JAK1: variants seen among roughly 807,000 people sequenced by gnomAD.
JAK1 encodes tyrosine-protein kinase JAK1.
JAK1 carries 16 observed loss-of-function variants against 136.6 expected under a neutral mutation model. That is an observed-to-expected ratio of 0.12 (90% CI 0.08 to 0.18). JAK1 has a LOEUF of 0.18. Ranked by LOEUF, JAK1 falls within the 10% of genes least tolerant of loss-of-function variation. The pLI is 1.00. For synonymous variants in JAK1, 492 were observed against 519.5 expected, an observed-to-expected ratio of 0.95 and a Z score of 0.72; for missense variants, 859 against 1,450.1, an observed-to-expected ratio of 0.59 and a Z score of 6.62.
At chr1:64,962,418 C>T (rs1027611990) in intron 1 of JAK1, among the ~76,000 whole-genome samples, 2 of 152,148 alleles carry the variant, frequency 1.3e-5, no homozygotes, top group East Asian at 1.9e-4. Flanking sequence ...GCAGTTTATC[C>T]GCAGAGCACC....
intron 1 of JAK1, among the ~76,000 whole-genome samples, chr1:64,909,994 A>G (rs1645255276): frequency 6.6e-6 from 1 of 152,208 alleles, no homozygotes; most frequent in Non-Finnish European, 1.5e-5. Flanking sequence ...GTGGGATGGT[A>G]GACCAGAGTA....
At chr1:64,891,081 T>C (rs1311597237) in intron 1 of JAK1, among the ~76,000 whole-genome samples, 3 of 152,134 alleles carry the variant, frequency 2.0e-5, no homozygotes, top group Non-Finnish European at 4.4e-5. Flanking sequence ...TAAGCACTCA[T>C]ATTTTGACCA....
rs754720992 is a variant in JAK1, at chr1:64,844,097, G to A, written c.2370C>T (p.Gly790=). The A allele has an allele frequency of 1.9e-5, 30 of 1,614,006 alleles. No individual in the cohort carries two copies. Among genetic ancestry groups the A allele is most frequent in the African/African-American group, 1.2e-4 (9 of 74,908 alleles). ...GTTLWEICYN[G]EIPLKDKTLI... is the part of the protein sequence containing the mutation. ...GCGTCTTGTCTTTCAAGGGGATCTC[G>A]CCATTGTAGCAGATTTCCCAGAGCG... The change falls in exon 17 of 25, where the codon GGC becomes GGT. Residue 790 remains glycine, a synonymous_variant. Transcript: ENST00000342505. This position sits in a 1 kb window ranked among gnomAD's most constrained non-coding sequence, Gnocchi z 5.7.
At chr1:64,996,518 C>T (rs530056529) in intron 2 of JAK1, among the ~76,000 whole-genome samples, 1 of 152,294 alleles carries the variant, frequency 6.6e-6, no homozygotes, top group East Asian at 1.9e-4. Flanking sequence ...TGGACTTTTC[C>T]TTCCACATTT....
At chr1:64,851,027 A>G (rs1006341043) in intron 11 of JAK1, 117 bp from the exon 12 acceptor site, 8 of 700,588 alleles carry the variant, frequency 1.1e-5, no homozygotes, top group Middle Eastern at 2.6e-4. Context: ...TGCTTCAGTC[A>G]TTCGACAAGT....
Position 64,833,947 on chromosome 1 carries a change from A to G in JAK1, c.*615T>C, listed in dbSNP as rs1394124230. 1 of 232,802 alleles carries G rather than the reference A, an allele frequency of 4.3e-6. No individual in the cohort carries two copies. Among genetic ancestry groups the G allele is most frequent in the African/African-American group, 2.2e-5 (1 of 45,344 alleles). 14.4% of individuals were successfully genotyped at this position (232,802 alleles called of 1,614,324 possible). A position where few individuals can be genotyped will look rare whatever the true frequency, so the allele number is the denominator to read the frequency against. ...GCTTTCTCAAAAATGGGTGCTAGTG[A>G]TCACCCAAAGGAACAGGAGCTAAGC... On this transcript the variant is annotated 3_prime_UTR_variant, in exon 25 of 25. Coordinates refer to ENST00000342505, the MANE Select transcript of JAK1 (RefSeq NM_002227.4).
intron 1 of JAK1, among the ~76,000 whole-genome samples, chr1:64,933,783 C>T (rs1346480455): frequency 6.6e-6 from 1 of 152,166 alleles, no homozygotes; most frequent in Non-Finnish European, 1.5e-5. Flanking sequence ...ATCTATTTGC[C>T]TCACCAAGCA....
chr1:65,014,711 G>A (rs1646878302), intron 2 of JAK1, among the ~76,000 whole-genome samples: 1 of 149,686 alleles, frequency 6.7e-6, no homozygotes, highest in Non-Finnish European at 1.5e-5. Flanking sequence ...TGGATATGGA[G>A]TCTCTCTCTG....
intron 4 of JAK1, 85 bp from the exon 5 acceptor site, chr1:64,873,608 T>C: frequency 2.6e-6 from 4 of 1,511,574 alleles, no homozygotes; most frequent in Non-Finnish European, 2.7e-6. Flanking sequence ...CAGTGGTCAG[T>C]GCCGGAGGCT....
chr1:64,911,511 G>A (rs1436003700), intron 1 of JAK1, among the ~76,000 whole-genome samples: 1 of 152,172 alleles, frequency 6.6e-6, no homozygotes, highest in East Asian at 1.9e-4. Flanking sequence ...CCGTTTTACA[G>A]ATATGTAAAT....
At chr1:64,914,624 C>T (rs754831822) in intron 1 of JAK1, among the ~76,000 whole-genome samples, 14 of 152,168 alleles carry the variant, frequency 9.2e-5, no homozygotes, top group Admixed American at 1.3e-4. Flanking sequence ...AGCGCAGTGG[C>T]GTGATCTCAG....
chr1:64,846,535 A>G, intron 14 of JAK1, 114 bp downstream of exon 14: 1 of 750,394 alleles, frequency 1.3e-6, no homozygotes, highest in Non-Finnish European at 2.3e-6. Flanking sequence ...CTCAACTGCA[A>G]AAAGAAAGGC....
chr1:64,869,281 A>G, intron 6 of JAK1, 30 bp downstream of exon 6: 1 of 1,605,006 alleles, frequency 6.2e-7, no homozygotes, highest in Non-Finnish European at 8.5e-7. Context: ...CATCCTCACA[A>G]TCAATTCTTC....
At chr1:65,061,097 C>G (rs904640146) in intron 1 of JAK1, among the ~76,000 whole-genome samples, 2 of 152,172 alleles carry the variant, frequency 1.3e-5, no homozygotes, top group African/African-American at 4.8e-5. Context: ...TTATAGAAAA[C>G]TGGCACACCA....
intron 1 of JAK1, among the ~76,000 whole-genome samples, chr1:64,948,650 GA>G (rs1646028531): frequency 6.6e-6 from 1 of 152,202 alleles, no homozygotes; most frequent in African/African-American, 2.4e-5. Flanking sequence ...TCTTCATCAT[GA>G]AAGATTAGCA....
At chr1:64,998,867 C>A (rs1027197878) in intron 2 of JAK1, among the ~76,000 whole-genome samples, 1 of 152,206 alleles carries the variant, frequency 6.6e-6, no homozygotes, top group Non-Finnish European at 1.5e-5. Context: ...ACTAAAACTT[C>A]TTCCTTTTGT....
chr1:64,833,990 T>TTAAG lies in JAK1; in HGVS notation c.*568_*571dup, dbSNP rs35804980. On this transcript the variant is annotated 3_prime_UTR_variant, in exon 25 of 25. Coordinates refer to ENST00000342505, the MANE Select transcript of JAK1 (RefSeq NM_002227.4). ...AGCTAAGCCACTGGAGAAACAAAGT[T>TTAAG]TAAGTCCTACTGGTGAGAGAATACA... 1,848 of 232,894 alleles carry TTAAG rather than the reference T, an allele frequency of 7.9e-3. 34 individuals are homozygous for TTAAG. Among genetic ancestry groups the TTAAG allele is most frequent in the African/African-American group, 0.038 (1,719 of 45,444 alleles). 14.4% of individuals were successfully genotyped at this position (232,894 alleles called of 1,614,324 possible). A position where few individuals can be genotyped will look rare whatever the true frequency, so the allele number is the denominator to read the frequency against.
intron 12 of JAK1, among the ~76,000 whole-genome samples, chr1:64,849,566 G>C (rs1329783725): frequency 6.6e-6 from 1 of 152,222 alleles, no homozygotes; most frequent in Non-Finnish European, 1.5e-5. Context: ...CTCAAGATTA[G>C]GTCCACATCC....
intron 1 of JAK1, among the ~76,000 whole-genome samples, chr1:64,901,263 C>G (rs2101468074): frequency 6.6e-6 from 1 of 152,318 alleles, no homozygotes; most frequent in South Asian, 2.1e-4. Context: ...CTCACCTAAT[C>G]CATGCAGACA....
Sources: gnomAD v4.1 joint callset for allele counts (sites outside exome capture counted in the v4.1 genomes callset) on GRCh38, gnomAD v4.1.1 for gene constraint, Gnocchi (gnomAD v3.1) non-coding constraint, MANE v1.5 for transcripts, NCBI Gene and HGNC (gene_info 2026-07-23, HGNC 2026-07-21) for gene names.